Variants in PUM2 observed in about 807,000 individuals in gnomAD.
PUM2 encodes the protein pumilio homolog 2.
Under a neutral mutation model 124.5 loss-of-function variants are expected in PUM2, and 57 were observed. The ratio of observed to expected loss-of-function variants is 0.46; its 90% CI spans 0.37 to 0.57. The LOEUF is 0.57. Ranked by LOEUF, PUM2 falls within the 20% of genes least tolerant of loss-of-function variation. The pLI, the probability that PUM2 is intolerant of heterozygous loss-of-function variation, is 0.00. For synonymous variants in PUM2, 460 were observed against 446.1 expected, an observed-to-expected ratio of 1.03 and a Z score of -0.39; for missense variants, 1,065 against 1,290.6, an observed-to-expected ratio of 0.83 and a Z score of 2.68.
intron 9 of PUM2, among the ~76,000 whole-genome samples, chr2:20,292,801 C>T (rs1008947586): frequency 3.9e-5 from 6 of 151,944 alleles, no homozygotes; most frequent in Admixed American, 2.6e-4. Context: ...CATGATGGCA[C>T]GTGCCTGTCA....
At chr2:20,274,419 A>C (rs1669709250) in intron 13 of PUM2, among the ~76,000 whole-genome samples, 1 of 152,174 alleles carries the variant, frequency 6.6e-6, no homozygotes, top group African/African-American at 2.4e-5. Context: ...TCATAAGAGA[A>C]GCACAAGACT....
chr2:20,326,849 AGCAACTAGACAATAGAT>A (rs1428310136), intron 2 of PUM2, among the ~76,000 whole-genome samples: 1 of 152,234 alleles, frequency 6.6e-6, no homozygotes, highest in Non-Finnish European at 1.5e-5. Context: ...TATGGCAGAT[AGCAACTAGACAATAGAT>A]ACATCCCAGT....
At chr2:20,313,581 C>T (rs928311551) in intron 3 of PUM2, among the ~76,000 whole-genome samples, 1 of 152,030 alleles carries the variant, frequency 6.6e-6, no homozygotes, top group Non-Finnish European at 1.5e-5. Context: ...TACGTGCTAT[C>T]CCAGCACTTC....
At chr2:20,278,453 AAT>A in intron 13 of PUM2, 128 bp downstream of exon 13, 1 of 783,354 alleles carries the variant, frequency 1.3e-6, no homozygotes, top group Non-Finnish European at 2.0e-6. Context: ...TCAAAAGACT[AAT>A]ATCTAAAAGC....
chr2:20,305,462 C>CG (rs1318676418), intron 7 of PUM2, among the ~76,000 whole-genome samples: 1,047 of 25,678 alleles, frequency 0.041, 42 homozygotes, highest in African/African-American at 0.11. Flanking sequence ...ACCCTGTCTT[C>CG]GAAAAAAAAA....
chr2:20,269,480 C>T (rs780696147), intron 13 of PUM2, among the ~76,000 whole-genome samples: 6 of 151,980 alleles, frequency 3.9e-5, no homozygotes, highest in Non-Finnish European at 7.4e-5. Context: ...GGATCACATG[C>T]GTGAGAATGC....
Position 20,321,908 on chromosome 2 carries a change from T to C in PUM2, c.52-3263A>G, listed in dbSNP as rs552555634. On this transcript the variant is annotated intron_variant, in intron 2 of 20. Coordinates refer to ENST00000361078, the MANE Select transcript of PUM2 (RefSeq NM_015317.5). Reference sequence around the variant, plus strand: ...CCAGTGTTTGAGGGAATATACAGTGTCTTTTCCTTCAAATGTATGGCTTGC... The same window carrying C: ...CCAGTGTTTGAGGGAATATACAGTGCCTTTTCCTTCAAATGTATGGCTTGC... 3.8e-3 allele frequency among the ~76,000 whole-genome samples: 573 copies of C among 152,248 alleles called. 5 individuals carry two copies. Among genetic ancestry groups the C allele is most frequent in the Non-Finnish European group, 5.5e-3 (374 of 68,012 alleles).
intron 1 of PUM2, among the ~76,000 whole-genome samples, chr2:20,343,542 T>TCATTAGC (rs1239046293): frequency 6.6e-6 from 1 of 152,226 alleles, no homozygotes; most frequent in East Asian, 1.9e-4. Context: ...TGTACAATTC[T>TCATTAGC]CATTAGCCAG....
chr2:20,312,293 A>G lies in PUM2; in HGVS notation c.291T>C (p.Tyr97=). 6.2e-7 allele frequency: 1 copy of G among 1,613,572 alleles called. No individual in the cohort carries two copies. Among genetic ancestry groups the G allele is most frequent in the Admixed American group, 1.7e-5 (1 of 59,966 alleles). ...SGGLGVSMVE[Y]VLSSSPADKL... is the part of the protein sequence containing the mutation. ...TATCAGCAGGAGAAGAACTTAATAC[A>G]TATTCTACCATGCTCACACCAAGGC... Residue 97 remains tyrosine, a synonymous_variant, in exon 4 of 21, where the codon TAT becomes TAC. Coordinates refer to ENST00000361078, the MANE Select transcript of PUM2 (RefSeq NM_015317.5).
At chr2:20,340,728 A>G (rs1284928135) in intron 1 of PUM2, among the ~76,000 whole-genome samples, 1 of 152,208 alleles carries the variant, frequency 6.6e-6, no homozygotes, top group Non-Finnish European at 1.5e-5. Flanking sequence ...TGGCTAAGGA[A>G]TATATCCACA....
chr2:20,273,991 T>A lies in PUM2; in HGVS notation c.1957+4592A>T, dbSNP rs1253427711. Among the ~76,000 whole-genome samples the A allele has an allele frequency of 2.0e-5, 3 of 152,206 alleles. No homozygotes were observed. In the East Asian group the frequency reaches 5.8e-4, roughly 29 times the overall value. On this transcript the variant is annotated intron_variant, in intron 13 of 20. Coordinates refer to ENST00000361078, the MANE Select transcript of PUM2 (RefSeq NM_015317.5). ...GGCTAATTAGAATAAGTTATTTATA[T>A]ACTTTGTAAAATTGTTCAGTTCCTA...
At chr2:20,258,173 G>T in intron 16 of PUM2, 70 bp downstream of exon 16, 1 of 1,360,090 alleles carries the variant, frequency 7.4e-7, no homozygotes, top group Non-Finnish European at 9.9e-7. Context: ...ATTACTGTAA[G>T]ATTAAAAACA....
At position 20,258,273 on chromosome 2, in the gene PUM2, T is replaced by C; in HGVS notation, c.2454A>G (p.Lys818=). Residue 818 remains lysine, a synonymous_variant, in exon 16 of 21, where the codon AAA becomes AAG. Transcript: ENST00000361078. ...GGTCAGAAGAAATAGATTCTAATGC[T>C]TTCTGAATAACGCGGCAGCCATACA... ...LQMYGCRVIQ[K]ALESISSDQQ... The C allele has an allele frequency of 6.2e-7, 1 of 1,608,778 alleles. No homozygotes were observed. Among genetic ancestry groups the C allele is most frequent in the Non-Finnish European group, 8.5e-7 (1 of 1,176,510 alleles).
chr2:20,332,282 AGTGTGTGTGTGTGTGTGT>A (rs55986830), intron 1 of PUM2, among the ~76,000 whole-genome samples: 112 of 145,404 alleles, frequency 7.7e-4, no homozygotes, highest in South Asian at 8.8e-4. Context: ...ATACTACTAG[AGTGTGTGTGTGTGTGTGT>A]GTGTGTGTGT....
Position 20,254,159 on chromosome 2 carries a change from ATTTTG to A in PUM2, c.2871-150_2871-146del. On this transcript the variant is annotated intron_variant, in intron 19 of 20. Transcript: ENST00000361078. ...CTTGTCTTATGATTACTTTTATTTT[ATTTTG>A]TTCTTTTTTTTTTTGAGACAGGGTC... is the stretch of plus-strand genomic sequence containing the variant. The A allele has an allele frequency of 9.1e-6, 7 of 771,168 alleles. No homozygotes were observed. In the South Asian group the frequency reaches 1.4e-4, roughly 15 times the overall value. The allele number at this position is 771,168 out of a possible 1,614,324, so 47.8% of individuals were successfully genotyped here.
chr2:20,336,681 T>TTGTGTGTGTGTGTGTGTGTGTGTG (rs113658730), intron 1 of PUM2, among the ~76,000 whole-genome samples: 1 of 131,486 alleles, frequency 7.6e-6, no homozygotes, highest in Non-Finnish European at 1.6e-5. Flanking sequence ...CCTGGCTAAT[T>TTGTGTGTGTGTGTGTGTGTGTGTG]TGTGTGTGTG....
chr2:20,310,139 G>A (rs940242686), intron 5 of PUM2, among the ~76,000 whole-genome samples: 1 of 152,046 alleles, frequency 6.6e-6, no homozygotes, highest in Non-Finnish European at 1.5e-5. Context: ...AATTAATGAT[G>A]TGCTGGCATA....
intron 12 of PUM2, among the ~76,000 whole-genome samples, chr2:20,279,893 C>T (rs1250817921): frequency 6.6e-6 from 1 of 152,112 alleles, no homozygotes; most frequent in Non-Finnish European, 1.5e-5. Context: ...TAAGCACTAG[C>T]CTCTTTTAAC....
At position 20,286,493 on chromosome 2, in the gene PUM2, G is replaced by C. The variant is rs540648918; in HGVS notation, c.1292-3007C>G. The stretch of plus-strand genomic sequence containing the variant: ...TACTAACATGAGATTGTTCCTAATA[G>C]CTAATGATTACTTTTCCTGTTATTG... On this transcript the variant is annotated intron_variant, in intron 10 of 20. Transcript: ENST00000361078. 3.9e-5 allele frequency among the ~76,000 whole-genome samples: 6 copies of C among 152,244 alleles called. No homozygotes were observed. In the South Asian group the frequency reaches 1.2e-3, roughly 32 times the overall value.
Sources: allele counts gnomAD v4.1 joint callset (sites outside exome capture counted in the v4.1 genomes callset), GRCh38; gene constraint gnomAD v4.1.1; transcripts MANE v1.5; gene names NCBI Gene and HGNC (gene_info 2026-07-23, HGNC 2026-07-21).